BMAL1: variants seen among roughly 807,000 people sequenced by gnomAD.
BMAL1 encodes the protein basic helix-loop-helix ARNT-like protein 1.
At chr11:13,369,606 A>G in the BMAL1 span, 1 of 1,613,696 alleles carries the variant, frequency 6.2e-7, no homozygotes, top group Non-Finnish European at 8.5e-7. Context: ...CATTTTGTGT[A>G]TTGATTTGCA....
the BMAL1 span, chr11:13,354,201 C>CCCCCCCCCCCCCCCCAA: frequency 4.9e-6 from 3 of 616,122 alleles, no homozygotes; most frequent in Non-Finnish European, 4.9e-6. Context: ...CCCCCCCCGG[C>CCCCCCCCCCCCCCCCAA]CCCCCACCAC....
the BMAL1 span, among the ~76,000 whole-genome samples, chr11:13,374,404 G>T: frequency 1.3e-5 from 2 of 152,172 alleles, no homozygotes; most frequent in South Asian, 2.1e-4. Flanking sequence ...TGTGCTGACT[G>T]CATGGCAGTT....
the BMAL1 span, chr11:13,375,890 G>GGCTTCACAGGT: frequency 2.3e-6 from 2 of 880,372 alleles, no homozygotes; most frequent in Non-Finnish European, 3.2e-6. Context: ...TAATACCTGT[G>GGCTTCACAGGT]AAGCCTCAGG....
At chr11:13,299,298 G>C in the BMAL1 span, among the ~76,000 whole-genome samples, 1 of 152,176 alleles carries the variant, frequency 6.6e-6, no homozygotes, top group African/African-American at 2.4e-5. Context: ...TGAGAGGTTG[G>C]GGTCATTCAA....
the BMAL1 span, among the ~76,000 whole-genome samples, chr11:13,357,669 T>C: frequency 0.01 from 1,555 of 152,308 alleles, 33 homozygotes; most frequent in African/African-American, 0.036. The surrounding 1 kb of genome is among the most constrained non-coding windows in gnomAD (Gnocchi z 4.8). Flanking sequence ...GCTGCAGAAA[T>C]TGGCTGCCCT....
At chr11:13,381,064 A>G in the BMAL1 span, 2 of 1,282,714 alleles carry the variant, frequency 1.6e-6, no homozygotes, top group Non-Finnish European at 2.2e-6. Flanking sequence ...CCAAACCCTA[A>G]TCTAGATCTT....
chr11:13,345,719 C>A, the BMAL1 span, among the ~76,000 whole-genome samples: 1 of 152,146 alleles, frequency 6.6e-6, no homozygotes, highest in Non-Finnish European at 1.5e-5. Context: ...CTTCAGTTCT[C>A]GGTTCCTCAC....
the BMAL1 span, among the ~76,000 whole-genome samples, chr11:13,306,173 G>A: frequency 1.1e-4 from 17 of 152,104 alleles, no homozygotes; most frequent in African/African-American, 2.7e-4. Flanking sequence ...CGTATAGGTC[G>A]GGGCTAGTTT....
the BMAL1 span, among the ~76,000 whole-genome samples, chr11:13,318,316 A>G: frequency 6.6e-6 from 1 of 152,146 alleles, no homozygotes; most frequent in South Asian, 2.1e-4. Context: ...CTATAATAGT[A>G]TTTTAGGCTC....
the BMAL1 span, chr11:13,378,482 G>T: frequency 6.3e-7 from 1 of 1,584,002 alleles, no homozygotes. Context: ...TTAAACCAGT[G>T]GTTCTCAACC....
the BMAL1 span, chr11:13,353,473 G>A: frequency 6.6e-6 from 1 of 152,140 alleles, no homozygotes; most frequent in African/African-American, 2.4e-5. Flanking sequence ...AAGATAATAA[G>A]GAACTTGCAT....
chr11:13,374,104 T>A, the BMAL1 span: 2 of 1,613,310 alleles, frequency 1.2e-6, no homozygotes, highest in Non-Finnish European at 1.7e-6. Context: ...GGGCAACAGC[T>A]ATTTTGGCAT....
chr11:13,372,007 G>A, the BMAL1 span, among the ~76,000 whole-genome samples: 15 of 152,130 alleles, frequency 9.9e-5, no homozygotes, highest in African/African-American at 1.4e-4. Context: ...TTCTCTTTCC[G>A]TCTGCCCCTT....
chr11:13,380,288 A>G, the BMAL1 span: 15 of 152,328 alleles, frequency 9.8e-5, no homozygotes, highest in African/African-American at 3.1e-4. Context: ...TCACTCATAA[A>G]TCTAGAGAAC....
chr11:13,371,993 T>G, the BMAL1 span, among the ~76,000 whole-genome samples: 1 of 152,152 alleles, frequency 6.6e-6, no homozygotes, highest in African/African-American at 2.4e-5. Flanking sequence ...GGATGACAGT[T>G]TGTTTCTCTT....
At chr11:13,293,562 A>G in the BMAL1 span, among the ~76,000 whole-genome samples, 2 of 152,192 alleles carry the variant, frequency 1.3e-5, no homozygotes, top group Non-Finnish European at 2.9e-5. Context: ...GAACTATTAA[A>G]AGAGTTGGGA....
the BMAL1 span, among the ~76,000 whole-genome samples, chr11:13,320,606 G>A: frequency 6.6e-6 from 1 of 152,160 alleles, no homozygotes; most frequent in Admixed American, 6.5e-5. Flanking sequence ...ATATTTGTCA[G>A]GTGCCTCTCA....
chr11:13,319,727 C>G, the BMAL1 span, among the ~76,000 whole-genome samples: 1 of 152,194 alleles, frequency 6.6e-6, no homozygotes, highest in African/African-American at 2.4e-5. Flanking sequence ...GCCAGGTAGC[C>G]TTTGGAAGAA....
the BMAL1 span, among the ~76,000 whole-genome samples, chr11:13,350,716 T>C: frequency 9.2e-5 from 14 of 152,204 alleles, no homozygotes; most frequent in African/African-American, 3.4e-4. Context: ...AGGTAGTATA[T>C]CAAAATAATT....
Sources: allele counts gnomAD v4.1 joint callset (sites outside exome capture counted in the v4.1 genomes callset), GRCh38; gene constraint gnomAD v4.1.1; non-coding constraint Gnocchi (gnomAD v3.1); transcripts MANE v1.5; gene names NCBI Gene and HGNC (gene_info 2026-07-23, HGNC 2026-07-21).